IGSF9B: variants seen among roughly 807,000 people sequenced by gnomAD.
IGSF9B encodes the protein immunoglobulin superfamily member 9B, also known as protein turtle homolog B.
Under a neutral mutation model 143.7 loss-of-function variants are expected in IGSF9B, and 48 were observed. The ratio of observed to expected loss-of-function variants is 0.33; its 90% CI spans 0.26 to 0.42. The LOEUF (loss-of-function observed/expected upper bound fraction) is 0.42, where lower values mean the gene tolerates loss of function less well. Ranked by LOEUF, IGSF9B falls within the 20% of genes least tolerant of loss-of-function variation. The probability of loss-of-function intolerance (pLI) is 1.00; values close to 1 mark genes in which losing one functional copy is unlikely to be tolerated. For synonymous variants in IGSF9B, 903 were observed against 833.1 expected, an observed-to-expected ratio of 1.08 and a Z score of -1.44; for missense variants, 1,706 against 1,980.0, an observed-to-expected ratio of 0.86 and a Z score of 2.63.
rs981767011 is a variant in IGSF9B at position 133,904,709 on chromosome 11, C to G, written c.*4360G>C. The stretch of plus-strand genomic sequence containing the variant: ...CAAAGAGATGCTGAGGCTTGGTGTC[C>G]CCTGGGGTGGTCTCACCATCCTAAC... On this transcript the variant is annotated 3_prime_UTR_variant, in exon 20 of 20. Transcript: ENST00000533871. Among the ~76,000 whole-genome samples, 1 of 151,912 alleles carries G rather than the reference C, an allele frequency of 6.6e-6. No homozygotes were observed. Among genetic ancestry groups the G allele is most frequent in the Admixed American group, 6.6e-5 (1 of 15,226 alleles).
intron 13 of IGSF9B, 68 bp downstream of exon 13, chr11:133,926,848 G>C: frequency 7.2e-7 from 1 of 1,384,746 alleles, no homozygotes; most frequent in Non-Finnish European, 9.9e-7. Flanking sequence ...GACTGCTATA[G>C]CTGCCTGGGC....
chr11:133,951,410 C>A (rs890215369), intron 1 of IGSF9B, among the ~76,000 whole-genome samples: 1 of 152,326 alleles, frequency 6.6e-6, no homozygotes, highest in South Asian at 2.1e-4. Flanking sequence ...GGTCAGGGAG[C>A]CCCAGCCGCT....
intron 7 of IGSF9B, among the ~76,000 whole-genome samples, chr11:133,934,237 T>C (rs1939783106): frequency 6.6e-6 from 1 of 152,146 alleles, no homozygotes; most frequent in African/African-American, 2.4e-5. Context: ...AGGAGGGGCC[T>C]TCATCCTGGC....
At position 133,906,254 on chromosome 11, in the gene IGSF9B, C is replaced by T. The variant is rs1042059895; in HGVS notation, c.*2815G>A. On this transcript the variant is annotated 3_prime_UTR_variant, in exon 20 of 20. Coordinates refer to ENST00000533871, the MANE Select transcript of IGSF9B (RefSeq NM_001277285.4). ...GCTCACAACCACGCTGTCACACATG[C>T]CCACACCCAGCACCTAAACTTGTGC... Among the ~76,000 whole-genome samples the T allele has an allele frequency of 4.6e-5, 7 of 152,224 alleles. No individual in the cohort carries two copies. The highest frequency in any genetic ancestry group is 1.7e-4 in the African/African-American group (7 of 41,446).
At chr11:133,929,926 G>A in intron 11 of IGSF9B, 144 bp from the exon 12 acceptor site, 1 of 616,138 alleles carries the variant, frequency 1.6e-6, no homozygotes, top group African/African-American at 1.8e-5. Context: ...GGGGCGACGG[G>A]GATGCTCTCA....
intron 18 of IGSF9B, among the ~76,000 whole-genome samples, chr11:133,915,928 G>A (rs1410201474): frequency 6.6e-6 from 1 of 152,204 alleles, no homozygotes; most frequent in African/African-American, 2.4e-5. Flanking sequence ...GCGGGAGTCT[G>A]CAGGTCTGAG....
intron 18 of IGSF9B, 108 bp from the exon 19 acceptor site, chr11:133,912,115 G>C: frequency 7.5e-7 from 1 of 1,336,278 alleles, no homozygotes. Flanking sequence ...ACAGAGTTCA[G>C]TCCTACAGAG....
intron 3 of IGSF9B, among the ~76,000 whole-genome samples, chr11:133,939,753 G>A (rs1436615563): frequency 6.6e-6 from 1 of 151,786 alleles, no homozygotes; most frequent in African/African-American, 2.4e-5. Context: ...GTCCTTGCAC[G>A]CGTCATCGCA....
chr11:133,904,087 A>G lies in IGSF9B; in HGVS notation c.*4982T>C, dbSNP rs1157812745. ...AGCCTATCAAAAGAAGAGAAAGTAA[A>G]GAGAAGGCCTCACGAAGCCACTGTG... On this transcript the variant is annotated 3_prime_UTR_variant, in exon 20 of 20. Coordinates refer to ENST00000533871, the MANE Select transcript of IGSF9B (RefSeq NM_001277285.4). 1.3e-5 allele frequency among the ~76,000 whole-genome samples: 2 copies of G among 152,174 alleles called. No individual in the cohort carries two copies. The highest frequency in any genetic ancestry group is 2.9e-5 in the Non-Finnish European group (2 of 68,026).
rs1939244705 is a variant in IGSF9B, at chr11:133,908,439, G to A, written c.*630C>T. ...GCTGAGAGACACGGATCTTGTTTTG[G>A]GAGAAAGAATCCCCCAAGACAGATG... On this transcript the variant is annotated 3_prime_UTR_variant, in exon 20 of 20. Transcript: ENST00000533871. 6.6e-6 allele frequency: 1 copy of A among 151,956 alleles called. No homozygotes were observed. Among genetic ancestry groups the A allele is most frequent in the Non-Finnish European group, 1.5e-5 (1 of 68,000 alleles). 9.4% of individuals were successfully genotyped at this position (151,956 alleles called of 1,614,324 possible). A position where few individuals can be genotyped will look rare whatever the true frequency, so the allele number is the denominator to read the frequency against.
intron 18 of IGSF9B, among the ~76,000 whole-genome samples, chr11:133,918,837 G>C (rs992570967): frequency 6.6e-6 from 1 of 151,654 alleles, no homozygotes; most frequent in Non-Finnish European, 1.5e-5. Context: ...GCGGGGGACG[G>C]GGTATCCGGG....
Position 133,928,245 on chromosome 11 carries a change from C to T in IGSF9B, c.1632-1154G>A, listed in dbSNP as rs1336575584. ...CTGGACACCTAGGCGCTGAGCAGCA[C>T]CGGTCTCCCAGCAGCCACCGGGCAG... is the stretch of plus-strand genomic sequence containing the variant. On this transcript the variant is annotated intron_variant, in intron 12 of 19. Transcript: ENST00000533871. This position sits in a 1 kb window ranked among gnomAD's most constrained non-coding sequence, Gnocchi z 4.7. Among the ~76,000 whole-genome samples, 2 of 152,140 alleles carry T rather than the reference C, an allele frequency of 1.3e-5. No homozygotes were observed. The highest frequency in any genetic ancestry group is 2.9e-5 in the Non-Finnish European group (2 of 68,022).
rs1356683332 is a variant in IGSF9B at position 133,953,604 on chromosome 11, G to T, written c.64+3087C>A. Among the ~76,000 whole-genome samples the T allele has an allele frequency of 6.6e-6, 1 of 152,240 alleles. No individual in the cohort carries two copies. The highest frequency in any genetic ancestry group is 1.5e-5 in the Non-Finnish European group (1 of 68,048). On this transcript the variant is annotated intron_variant, in intron 1 of 19. Transcript: ENST00000533871. This position sits in a 1 kb window ranked among gnomAD's most constrained non-coding sequence, Gnocchi z 4.2. Reference sequence around the variant, plus strand: ...GTAGAGGGCAATGGCCCAACTACCAGCAGGATCTGAGTCAGAACCTCACTG... The same window carrying T: ...GTAGAGGGCAATGGCCCAACTACCATCAGGATCTGAGTCAGAACCTCACTG...
rs780885348 is a variant in IGSF9B, at chr11:133,926,954, G to T, written c.1769C>A (p.Thr590Asn). Residue 590 changes from threonine (T) to asparagine (N), a missense_variant, in exon 13 of 20, where the codon ACC becomes AAC. Physicochemically the swap from Thr to Asn is moderately conservative, Grantham distance 65 (BLOSUM62 0). This residue lies in a region of IGSF9B where 267 missense variants were observed against 321.1 expected (regional missense o/e 0.83). Coordinates refer to ENST00000533871, the MANE Select transcript of IGSF9B (RefSeq NM_001277285.4). ...AGTGACCACCTCACTGAAGGCGCTG[G>T]TTCCCAGCTTGTTCTGGGCCAGGAC... is the stretch of plus-strand genomic sequence containing the variant. ...FSVLAQNKLG[T>N]SAFSEVVTVN... 5 of 1,598,568 alleles carry T rather than the reference G, an allele frequency of 3.1e-6. No individual in the cohort carries two copies. The highest frequency in any genetic ancestry group is 4.3e-6 in the Non-Finnish European group (5 of 1,172,880).
At chr11:133,911,801 C>G in intron 19 of IGSF9B, 85 bp downstream of exon 19, 1 of 1,344,170 alleles carries the variant, frequency 7.4e-7, no homozygotes, top group Non-Finnish European at 9.7e-7. Context: ...CCCAATAACC[C>G]TCCTGACAAC....
rs1939180485 is a variant in IGSF9B, at chr11:133,904,211, C to G, written c.*4858G>C. On this transcript the variant is annotated 3_prime_UTR_variant, in exon 20 of 20. Transcript: ENST00000533871. ...CCCCTCTCTATCACCATCACCATCA[C>G]CAAGGCCCATGAACATTTTCAGATT... Among the ~76,000 whole-genome samples, 1 of 152,120 alleles carries G rather than the reference C, an allele frequency of 6.6e-6. No individual in the cohort carries two copies. Among genetic ancestry groups the G allele is most frequent in the Non-Finnish European group, 1.5e-5 (1 of 68,018 alleles).
intron 1 of IGSF9B, among the ~76,000 whole-genome samples, chr11:133,947,840 G>A (rs1402720589): frequency 6.6e-6 from 1 of 151,608 alleles, no homozygotes; most frequent in Non-Finnish European, 1.5e-5. Flanking sequence ...TTGTCTGTCT[G>A]CCTTGCTGGC....
Position 133,922,209 on chromosome 11 carries a change from G to A in IGSF9B, c.2295C>T (p.Ser765=), listed in dbSNP as rs1437515602. The A allele has an allele frequency of 1.9e-6, 3 of 1,612,910 alleles. No individual in the cohort carries two copies. Among genetic ancestry groups the A allele is most frequent in the East Asian group, 4.5e-5 (2 of 44,840 alleles). ...KLKRKKDPPL[S]ITHCRKSLES... The stretch of plus-strand genomic sequence containing the variant: ...CCAGGCTCTTCCTGCAGTGGGTGAT[G>A]GAGAGTGGAGGGTCTGGAAGGAAAG... Residue 765 remains serine, a synonymous_variant, in exon 17 of 20, where the codon TCC becomes TCT. Transcript: ENST00000533871.
At position 133,922,230 on chromosome 11, in the gene IGSF9B, G is replaced by A; in HGVS notation, c.2282-8C>T. On this transcript the variant is annotated splice_region_variant and splice_polypyrimidine_tract_variant and intron_variant, in intron 16 of 19. Transcript: ENST00000533871. ...TGATGGAGAGTGGAGGGTCTGGAAG[G>A]AAAGAGAAGGGGAGAGGCTGCTGAG... 8.1e-6 allele frequency: 13 copies of A among 1,611,782 alleles called. No homozygotes were observed. The highest frequency in any genetic ancestry group is 1.1e-5 in the Non-Finnish European group (13 of 1,178,922).
Sources: gnomAD v4.1 joint callset for allele counts (sites outside exome capture counted in the v4.1 genomes callset) on GRCh38, gnomAD v4.1.1 for gene constraint, gnomAD v4.1.1 regional missense constraint, Gnocchi (gnomAD v3.1) non-coding constraint, MANE v1.5 for transcripts, NCBI Gene and HGNC (gene_info 2026-07-23, HGNC 2026-07-21) for gene names.